INTS4: variants seen among roughly 807,000 people sequenced by gnomAD.
The protein encoded by INTS4 is integrator complex subunit 4.
In INTS4, 70 loss-of-function variants were observed where a neutral mutation model predicts 119.5. The observed-to-expected ratio is 0.59, with a 90% confidence interval of 0.48 to 0.71. The LOEUF is 0.71. Ranked by LOEUF, INTS4 falls within the 30% of genes least tolerant of loss-of-function variation. The pLI is 0.00. For missense variants in INTS4, 867 were observed against 1,173.2 expected (o/e 0.74, Z 3.81); for synonymous variants, 316 against 419.6 (o/e 0.75, Z 3.02).
intron 15 of INTS4, chr11:77,918,258 C>A (rs1953252285): frequency 3.2e-6 from 2 of 620,714 alleles, no homozygotes; most frequent in Non-Finnish European, 5.9e-6. Flanking sequence ...ATGGTGAAAC[C>A]TCGACTCTAC....
intron 8 of INTS4, among the ~76,000 whole-genome samples, chr11:77,946,720 C>T (rs993015468): frequency 6.7e-6 from 1 of 149,930 alleles, no homozygotes; most frequent in Non-Finnish European, 1.5e-5. Flanking sequence ...GAGATCATGC[C>T]ACTGCACTTC....
Position 77,903,615 on chromosome 11 carries a change from C to T in INTS4, c.2022G>A (p.Leu674=), listed in dbSNP as rs1294070454. The part of the protein sequence containing the change: ...LRCQLLLIKA[L]QEKLWNVAAP... ...CAGCTACATTCCACAACTTTTCCTG[C>T]AAGGCCTACGCAGACAAATCAGGAG... Residue 674 remains leucine (L), a synonymous_variant, in exon 17 of 23, where the codon TTG becomes TTA. Transcript: ENST00000534064. 2 of 1,613,230 alleles carry T rather than the reference C, an allele frequency of 1.2e-6. No individual in the cohort carries two copies. Among genetic ancestry groups the T allele is most frequent in the Non-Finnish European group, 1.7e-6 (2 of 1,179,428 alleles).
intron 2 of INTS4, among the ~76,000 whole-genome samples, chr11:77,983,324 G>A (rs1015277331): frequency 2.0e-5 from 3 of 152,012 alleles, no homozygotes; most frequent in African/African-American, 7.2e-5. Context: ...CTATGTTGCC[G>A]GTTTGGTTTT....
intron 10 of INTS4, among the ~76,000 whole-genome samples, chr11:77,933,257 T>A (rs1161582663): frequency 1.3e-5 from 2 of 150,996 alleles, no homozygotes; most frequent in South Asian, 2.1e-4. Flanking sequence ...CTCCACGGTC[T>A]CCCTCTGATG....
At chr11:77,903,801 G>A (rs1237248092) in intron 16 of INTS4, among the ~76,000 whole-genome samples, 181 bp from the exon 17 acceptor site, 2 of 152,082 alleles carry the variant, frequency 1.3e-5, no homozygotes, top group African/African-American at 2.4e-5. Context: ...AATGGTTTGG[G>A]CTAAATGAAT....
intron 11 of INTS4, among the ~76,000 whole-genome samples, chr11:77,926,521 G>C: frequency 6.6e-6 from 1 of 152,008 alleles, no homozygotes; most frequent in Non-Finnish European, 1.5e-5. Flanking sequence ...AAAAAATGAA[G>C]AGTCAGCCGG....
At chr11:77,964,896 TTATC>T (rs1170285774) in intron 4 of INTS4, among the ~76,000 whole-genome samples, 1 of 152,200 alleles carries the variant, frequency 6.6e-6, no homozygotes, top group Non-Finnish European at 1.5e-5. Context: ...TCTCCACAAA[TTATC>T]TATTTTTGAT....
At chr11:77,875,382 T>G (rs911738735), downstream of INTS4, among the ~76,000 whole-genome samples, 5 of 152,236 alleles carry the variant, frequency 3.3e-5, no homozygotes, top group Non-Finnish European at 5.9e-5. Context: ...CATGTTTTGT[T>G]TGTCTCAGTA....
At chr11:77,929,864 A>C (rs1428677964) in intron 10 of INTS4, among the ~76,000 whole-genome samples, 1 of 152,200 alleles carries the variant, frequency 6.6e-6, no homozygotes, top group Non-Finnish European at 1.5e-5. Flanking sequence ...GGTAAACCAC[A>C]TAGGGACCCT....
chr11:77,879,420 T>C (rs1157778743), intron 22 of INTS4, among the ~76,000 whole-genome samples: 4 of 152,228 alleles, frequency 2.6e-5, no homozygotes, highest in Admixed American at 2.6e-4. Context: ...CTTTATGAAC[T>C]GGGCTCAAAT....
At chr11:77,895,272 T>A (rs961137662) in intron 18 of INTS4, among the ~76,000 whole-genome samples, 1 of 152,106 alleles carries the variant, frequency 6.6e-6, no homozygotes, top group African/African-American at 2.4e-5. Flanking sequence ...ATATTATTCA[T>A]TGGAGGAATA....
intron 18 of INTS4, chr11:77,900,879 A>G: frequency 2.1e-6 from 1 of 473,284 alleles, no homozygotes; most frequent in Non-Finnish European, 3.7e-6. Context: ...GTATTATCTC[A>G]TTTATTCTTC....
chr11:77,904,784 A>G (rs781531027), intron 16 of INTS4, among the ~76,000 whole-genome samples: 2 of 152,202 alleles, frequency 1.3e-5, no homozygotes, highest in Non-Finnish European at 2.9e-5. Flanking sequence ...CCTCACATCC[A>G]AATTCTGGGG....
intron 10 of INTS4, among the ~76,000 whole-genome samples, chr11:77,930,929 T>C (rs1953633172): frequency 6.6e-6 from 1 of 152,232 alleles, no homozygotes; most frequent in South Asian, 2.1e-4. Context: ...ATTCTCAGCA[T>C]CTGCACATGT....
chr11:77,888,504 A>G (rs9667706), intron 21 of INTS4, among the ~76,000 whole-genome samples: 4 of 152,000 alleles, frequency 2.6e-5, no homozygotes, highest in African/African-American at 9.7e-5. Flanking sequence ...CATTCAGGAC[A>G]TAGGCATGGG....
At chr11:77,941,336 A>C (rs1282611165) in intron 8 of INTS4, 85 bp from the exon 9 acceptor site, 4 of 1,488,554 alleles carry the variant, frequency 2.7e-6, no homozygotes, top group Non-Finnish European at 3.6e-6. Context: ...AGACAATTTA[A>C]GTGCATAAAG....
intron 22 of INTS4, among the ~76,000 whole-genome samples, chr11:77,883,183 G>T (rs769903332): frequency 6.6e-6 from 1 of 151,926 alleles, no homozygotes; most frequent in Non-Finnish European, 1.5e-5. Context: ...ACCAAATTTG[G>T]TGGCATTAAA....
intron 2 of INTS4, chr11:77,987,294 C>A (rs1291320948): frequency 1.3e-5 from 2 of 157,032 alleles, no homozygotes; most frequent in Non-Finnish European, 2.8e-5. Flanking sequence ...CTTCCATTTA[C>A]TAGCTGGGTG....
At chr11:77,980,410 C>T (rs1452298789) in intron 3 of INTS4, among the ~76,000 whole-genome samples, 4 of 152,052 alleles carry the variant, frequency 2.6e-5, no homozygotes, top group Admixed American at 1.3e-4. Flanking sequence ...GACAGCGTCT[C>T]GCTCTGTCAC....
Sources: allele counts gnomAD v4.1 joint callset (sites outside exome capture counted in the v4.1 genomes callset), GRCh38; gene constraint gnomAD v4.1.1; transcripts MANE v1.5; gene names NCBI Gene and HGNC (gene_info 2026-07-23, HGNC 2026-07-21).